Variants in GRIK4 observed in about 807,000 individuals in gnomAD.
GRIK4 encodes glutamate ionotropic receptor kainate type subunit 4.
GRIK4 carries 40 observed loss-of-function variants against 104.9 expected under a neutral mutation model. The ratio of observed to expected loss-of-function variants is 0.38; its 90% CI spans 0.30 to 0.50. The LOEUF is 0.50. GRIK4 is among the 20% of genes least tolerant of loss of function. GRIK4 has a pLI of 0.93. For missense variants in GRIK4, 1,047 were observed against 1,308.1 expected (o/e 0.80, Z 3.08); for synonymous variants, 485 against 524.9 (o/e 0.92, Z 1.04).
chr11:120,523,486 C>T (rs1415353239), intron 1 of GRIK4, among the ~76,000 whole-genome samples: 1 of 152,084 alleles, frequency 6.6e-6, no homozygotes, highest in Non-Finnish European at 1.5e-5. Flanking sequence ...GACTTTTGTC[C>T]TGTATTCCTG....
intron 3 of GRIK4, among the ~76,000 whole-genome samples, chr11:120,662,769 G>C (rs1249458580): frequency 3.9e-5 from 6 of 152,096 alleles, no homozygotes; most frequent in Non-Finnish European, 7.4e-5. Context: ...CCTCAGAATG[G>C]GTGGCTCTCT....
chr11:120,573,968 G>A (rs1374710095), intron 1 of GRIK4, among the ~76,000 whole-genome samples: 1 of 152,176 alleles, frequency 6.6e-6, no homozygotes, highest in South Asian at 2.1e-4. Flanking sequence ...CAGGCTCGGG[G>A]CTGCTACCCA....
At chr11:120,709,991 C>T (rs1472811715) in intron 3 of GRIK4, among the ~76,000 whole-genome samples, 1 of 152,160 alleles carries the variant, frequency 6.6e-6, no homozygotes, top group African/African-American at 2.4e-5. Context: ...AACCAAGAAG[C>T]AGCCACGCAC....
rs181797789 is a variant in GRIK4 at position 120,517,066 on chromosome 11, G to A, written c.-159+5179G>A. 7.4e-4 allele frequency among the ~76,000 whole-genome samples: 110 copies of A among 148,726 alleles called. 9 individuals carry two copies. Among genetic ancestry groups the A allele is most frequent in the African/African-American group, 2.0e-3 (77 of 39,348 alleles). On this transcript the variant is annotated intron_variant, in intron 1 of 20. Transcript: ENST00000527524. ...CCAGCCCTCGCCGCCCTCCCTCCAC[G>A]GTACCCTCGTGTCTGATATTCACTG...
In GRIK4 at chr11:120,802,735, G is replaced by T. The variant is rs1373739727; in HGVS notation, c.125G>T (p.Arg42Leu). The T allele has an allele frequency of 6.2e-7, 1 of 1,614,114 alleles. No individual in the cohort carries two copies. Among genetic ancestry groups the T allele is most frequent in the Non-Finnish European group, 8.5e-7 (1 of 1,179,996 alleles). ...DDPMECSRGE[R>L]LSITLAKNRI... ...CCCATGGAGTGCAGCAGAGGGGAGC[G>T]GCTCTCCATCACCCTGGCCAAGAAC... The change falls in exon 4 of 21, where the codon CGG (arginine) becomes CTG (leucine). Residue 42 changes from arginine to leucine, a missense_variant. Transcript: ENST00000527524.
At chr11:120,784,537 A>G (rs1952226272) in intron 3 of GRIK4, among the ~76,000 whole-genome samples, 1 of 152,198 alleles carries the variant, frequency 6.6e-6, no homozygotes, top group African/African-American at 2.4e-5. Context: ...TGTAGACTCT[A>G]GCAGGCATGA....
chr11:120,567,685 A>G lies in GRIK4; in HGVS notation c.-159+55798A>G, dbSNP rs377085315. ...GAGAGTGATGATATCCATGAAAGAG[A>G]CATCCCTGGCTACACTGGGAAGCCC... On this transcript the variant is annotated intron_variant, in intron 1 of 20. Transcript: ENST00000527524. Among the ~76,000 whole-genome samples, 39 of 152,228 alleles carry G rather than the reference A, an allele frequency of 2.6e-4. No homozygotes were observed. The South Asian group carries it at 7.7e-3, about 30-fold the overall frequency.
At chr11:120,686,890 A>T (rs1950284902) in intron 3 of GRIK4, among the ~76,000 whole-genome samples, 2 of 152,230 alleles carry the variant, frequency 1.3e-5, no homozygotes, top group African/African-American at 4.8e-5. Flanking sequence ...GTGCGTTATT[A>T]ACTCCAACAT....
At chr11:120,638,503 C>T (rs939164631) in intron 1 of GRIK4, among the ~76,000 whole-genome samples, 1 of 149,770 alleles carries the variant, frequency 6.7e-6, no homozygotes, top group Non-Finnish European at 1.5e-5. Flanking sequence ...TTTTCTGAGA[C>T]GGAGTCTCGT....
intron 3 of GRIK4, among the ~76,000 whole-genome samples, chr11:120,722,009 C>T (rs2135377136): frequency 6.6e-6 from 1 of 152,258 alleles, no homozygotes; most frequent in East Asian, 1.9e-4. Flanking sequence ...GAGGAGGAAT[C>T]TTAAGCTCAG....
chr11:120,841,427 T>C (rs953691520), intron 8 of GRIK4, among the ~76,000 whole-genome samples: 5 of 152,270 alleles, frequency 3.3e-5, no homozygotes, highest in African/African-American at 1.2e-4. Flanking sequence ...TTCATTCATA[T>C]GTCAGAATTG....
chr11:120,621,461 T>G (rs1175371817), intron 1 of GRIK4, among the ~76,000 whole-genome samples: 2 of 152,170 alleles, frequency 1.3e-5, no homozygotes, highest in African/African-American at 4.8e-5. Flanking sequence ...CTCATCAACT[T>G]GCAGCTAAGG....
rs1382266119 is a variant in GRIK4 at position 120,940,318 on chromosome 11, C to G, written c.1477-29C>G. 7 of 1,408,394 alleles carry G rather than the reference C, an allele frequency of 5.0e-6. No individual in the cohort carries two copies. The South Asian group carries it at 8.2e-5, about 17-fold the overall frequency. 87.2% of individuals were successfully genotyped at this position (1,408,394 alleles called of 1,614,324 possible). On this transcript the variant is annotated intron_variant, in intron 13 of 20. Coordinates refer to ENST00000527524, the MANE Select transcript of GRIK4 (RefSeq NM_014619.5). This position sits in a 1 kb window ranked among gnomAD's most constrained non-coding sequence, Gnocchi z 4.3. ...TGTGCCTCTTCTCCTATGGCCACCCCACTGACGGGCTGTCTCTGTTCTTTT... is the reference window on the plus strand; with the variant it reads ...TGTGCCTCTTCTCCTATGGCCACCCGACTGACGGGCTGTCTCTGTTCTTTT...
Position 120,542,827 on chromosome 11 carries a change from G to A in GRIK4, c.-159+30940G>A, listed in dbSNP as rs1591684157. ...AATACTGGTGAGGATGTGGAGAAAA[G>A]AAGACCTTTTTATGGCTGCTTTTCA... On this transcript the variant is annotated intron_variant, in intron 1 of 20. Coordinates refer to ENST00000527524, the MANE Select transcript of GRIK4 (RefSeq NM_014619.5). Among the ~76,000 whole-genome samples, 3 of 152,390 alleles carry A rather than the reference G, an allele frequency of 2.0e-5. No homozygotes were observed. In the South Asian group the frequency reaches 6.2e-4, roughly 32 times the overall value.
intron 1 of GRIK4, among the ~76,000 whole-genome samples, chr11:120,578,359 C>A (rs185754968): frequency 2.4e-3 from 372 of 152,284 alleles, no homozygotes; most frequent in African/African-American, 7.9e-3. Context: ...GATGCTGGAT[C>A]AGTGCTGCCC....
At chr11:120,914,466 A>T (rs927312319) in intron 13 of GRIK4, among the ~76,000 whole-genome samples, 1 of 152,204 alleles carries the variant, frequency 6.6e-6, no homozygotes, top group African/African-American at 2.4e-5. Context: ...ACAGAAGTTG[A>T]GCGAGGTGTG....
rs201300237 is a variant in GRIK4, at chr11:120,660,327, C to T, written c.9C>T (p.Arg3=). Residue 3 remains arginine (R), a synonymous_variant, in exon 3 of 21, where the codon CGC becomes CGT. Coordinates refer to ENST00000527524, the MANE Select transcript of GRIK4 (RefSeq NM_014619.5). MP[R]VSAPLVLLPA... is the part of the protein sequence containing the mutation. ...ATGAGGATTCATAGAAGATGCCCCGCGTCTCGGCGCCTTTGGTGCTGCTTC... is the reference window on the plus strand; with the variant it reads ...ATGAGGATTCATAGAAGATGCCCCGTGTCTCGGCGCCTTTGGTGCTGCTTC... 130 of 1,612,502 alleles carry T rather than the reference C, an allele frequency of 8.1e-5. No individual in the cohort carries two copies. The highest frequency in any genetic ancestry group is 1.2e-4 in the Admixed American group (7 of 60,012).
intron 3 of GRIK4, among the ~76,000 whole-genome samples, chr11:120,740,163 C>T (rs185918480): frequency 6.7e-6 from 1 of 150,036 alleles, no homozygotes; most frequent in African/African-American, 2.5e-5. Context: ...CCTTCTGAGC[C>T]TACTCTCCAC....
chr11:120,611,029 G>A (rs572887028), intron 1 of GRIK4, among the ~76,000 whole-genome samples: 65 of 152,326 alleles, frequency 4.3e-4, no homozygotes, highest in Non-Finnish European at 1.0e-4. Flanking sequence ...CCAAGGCCCA[G>A]TGAGCGGACA....
Sources: gnomAD v4.1 joint callset for allele counts (sites outside exome capture counted in the v4.1 genomes callset) on GRCh38, gnomAD v4.1.1 for gene constraint, Gnocchi (gnomAD v3.1) non-coding constraint, MANE v1.5 for transcripts, NCBI Gene and HGNC (gene_info 2026-07-23, HGNC 2026-07-21) for gene names.